DCBLD2: variants seen among roughly 807,000 people sequenced by gnomAD.
DCBLD2 encodes discoidin, CUB and LCCL domain containing 2.
Under a neutral mutation model 86.8 loss-of-function variants are expected in DCBLD2, and 54 were observed. That is an observed-to-expected ratio of 0.62 (90% CI 0.50 to 0.78). The LOEUF is 0.78. DCBLD2 is among the 30% of genes least tolerant of loss of function. DCBLD2 has a pLI of 0.00. For missense variants in DCBLD2, 908 were observed against 954.2 expected, an observed-to-expected ratio of 0.95 and a Z score of 0.64; for synonymous variants, 354 against 341.3, an observed-to-expected ratio of 1.04 and a Z score of -0.41.
intron 3 of DCBLD2, among the ~76,000 whole-genome samples, chr3:98,849,088 GA>G (rs1942782675): frequency 6.6e-6 from 1 of 151,650 alleles, no homozygotes; most frequent in South Asian, 2.1e-4. Flanking sequence ...AGAATTGCTT[GA>G]ACCCGGGAGG....
chr3:98,889,609 T>C (rs968384338), intron 1 of DCBLD2, among the ~76,000 whole-genome samples: 2 of 151,990 alleles, frequency 1.3e-5, no homozygotes, highest in East Asian at 1.9e-4. Context: ...TTTTCTATAG[T>C]TGAAAAAATA....
At chr3:98,863,115 T>C (rs921533555) in intron 2 of DCBLD2, among the ~76,000 whole-genome samples, 3 of 152,086 alleles carry the variant, frequency 2.0e-5, no homozygotes, top group Non-Finnish European at 4.4e-5. Context: ...TGAACTCCCA[T>C]TCACAACTGC....
intron 3 of DCBLD2, among the ~76,000 whole-genome samples, chr3:98,848,541 G>T (rs562122536): frequency 6.6e-6 from 1 of 152,274 alleles, no homozygotes; most frequent in East Asian, 1.9e-4. Flanking sequence ...TTGAGGAATT[G>T]CCACACTGTC....
chr3:98,804,821 C>T (rs560452485), intron 13 of DCBLD2, among the ~76,000 whole-genome samples: 1 of 152,162 alleles, frequency 6.6e-6, no homozygotes, highest in African/African-American at 2.4e-5. Context: ...CATTCAGGAG[C>T]AGGTTGTTCA....
At chr3:98,819,171 A>C in intron 8 of DCBLD2, 31 bp downstream of exon 8, 1 of 1,529,220 alleles carries the variant, frequency 6.5e-7, no homozygotes, top group Non-Finnish European at 8.8e-7. Context: ...TAAGTGTTAC[A>C]AATTGCTTTA....
intron 2 of DCBLD2, among the ~76,000 whole-genome samples, chr3:98,867,027 T>C (rs1454182524): frequency 6.6e-6 from 1 of 152,208 alleles, no homozygotes; most frequent in African/African-American, 2.4e-5. Context: ...AGATGTGTGG[T>C]ATTATTTCTG....
At position 98,901,150 on chromosome 3, in the gene DCBLD2, CAGG is replaced by C. The variant is rs1191696095; in HGVS notation, c.174_176del (p.Leu61del). 1 of 1,538,762 alleles carries C rather than the reference CAGG, an allele frequency of 6.5e-7. No individual in the cohort carries two copies. On this transcript the variant is annotated inframe_deletion, in exon 1 of 16. Transcript: ENST00000326840. ...GCTGGGCTCCAGCGTCCTCGAGCAG[CAGG>C]AGCAGGACAAGTAAGAGCAGGAGGA...
In DCBLD2 at chr3:98,852,498, C is replaced by T. The variant is rs561927496; in HGVS notation, c.434-2900G>A. 3.6e-4 allele frequency among the ~76,000 whole-genome samples: 55 copies of T among 152,310 alleles called. No homozygotes were observed. The South Asian group carries it at 0.01, about 29-fold the overall frequency. ...CTGACCTGTGGTGATCCACCCACCT[C>T]GGCCTCCCAAAGTGATGGGATTACA... On this transcript the variant is annotated intron_variant, in intron 2 of 15. Transcript: ENST00000326840.
At chr3:98,874,767 TTC>T in intron 2 of DCBLD2, among the ~76,000 whole-genome samples, 1 of 152,190 alleles carries the variant, frequency 6.6e-6, no homozygotes. Flanking sequence ...AACCTGCTGT[TTC>T]TCTCTCCTCA....
At chr3:98,845,706 T>A (rs1005189151) in intron 3 of DCBLD2, among the ~76,000 whole-genome samples, 2 of 152,178 alleles carry the variant, frequency 1.3e-5, no homozygotes, top group African/African-American at 4.8e-5. Flanking sequence ...ACATTTTCTG[T>A]AAGGTTCAGA....
At position 98,817,771 on chromosome 3, in the gene DCBLD2, T is replaced by A; in HGVS notation, c.1210A>T (p.Lys404Ter). ...VYREPGVEQD[K>*]IFQGNKDYHQ... ...AAATACCTTGGTAATCATTTTACCT[T>A]ATCTTGCTCCACACCAGGCTCTCTG... is the stretch of plus-strand genomic sequence containing the variant. The change falls in exon 9 of 16, where the codon AAG becomes TAG. Residue 404 changes from lysine (K) to a stop codon, truncating the protein, a stop_gained and splice_region_variant. Coordinates refer to ENST00000326840, the MANE Select transcript of DCBLD2 (RefSeq NM_080927.4). LOFTEE classifies it high-confidence loss of function. The A allele has an allele frequency of 6.2e-7, 1 of 1,613,304 alleles. No homozygotes were observed. Among genetic ancestry groups the A allele is most frequent in the Non-Finnish European group, 8.5e-7 (1 of 1,179,492 alleles).
intron 3 of DCBLD2, among the ~76,000 whole-genome samples, chr3:98,836,806 G>A (rs1302943406): frequency 2.9e-5 from 2 of 68,492 alleles, no homozygotes; most frequent in Admixed American, 1.2e-4. Context: ...GGACGGGGTG[G>A]CTGGCCGGGC....
intron 13 of DCBLD2, among the ~76,000 whole-genome samples, chr3:98,805,792 C>G (rs1168082995): frequency 6.6e-6 from 1 of 152,196 alleles, no homozygotes; most frequent in African/African-American, 2.4e-5. Flanking sequence ...TGACCTCAGG[C>G]TCTGTCTGAC....
chr3:98,825,643 T>TTATATATATATATA (rs56736194), intron 3 of DCBLD2, among the ~76,000 whole-genome samples: 1,405 of 114,672 alleles, frequency 0.012, 44 homozygotes, highest in East Asian at 0.021. Flanking sequence ...ATATGTGTAT[T>TTATATATATATATA]TATATATATA....
At chr3:98,810,069 C>G (rs1009596002) in intron 12 of DCBLD2, among the ~76,000 whole-genome samples, 1 of 152,140 alleles carries the variant, frequency 6.6e-6, no homozygotes, top group African/African-American at 2.4e-5. Flanking sequence ...CTTTGTTATT[C>G]TTTTTGGGCA....
chr3:98,816,304 C>G (rs1686518175), intron 9 of DCBLD2: 1 of 150,778 alleles, frequency 6.6e-6, no homozygotes. Flanking sequence ...GAGAAATTAC[C>G]TTTCAAAAAT....
In DCBLD2 at chr3:98,901,434, G is replaced by A. The variant is rs914585416; in HGVS notation, c.-108C>T. 4 of 1,143,874 alleles carry A rather than the reference G, an allele frequency of 3.5e-6. No individual in the cohort carries two copies. The highest frequency in any genetic ancestry group is 1.6e-5 in the African/African-American group (1 of 61,500). 70.9% of individuals were successfully genotyped at this position (1,143,874 alleles called of 1,614,324 possible). The stretch of plus-strand genomic sequence containing the variant: ...CGGCGGCAGCGGCGGGAGAACAAGA[G>A]GCAGCCCTCGCCTCACCCCGCGCCG... On this transcript the variant is annotated 5_prime_UTR_variant, in exon 1 of 16. Coordinates refer to ENST00000326840, the MANE Select transcript of DCBLD2 (RefSeq NM_080927.4).
chr3:98,868,356 T>C (rs952156700), intron 2 of DCBLD2, among the ~76,000 whole-genome samples: 4 of 152,178 alleles, frequency 2.6e-5, no homozygotes, highest in Non-Finnish European at 4.4e-5. Context: ...GGTTGAAGAA[T>C]AAGAAGATAT....
At chr3:98,891,000 T>G (rs1242427460) in intron 1 of DCBLD2, among the ~76,000 whole-genome samples, 1 of 152,030 alleles carries the variant, frequency 6.6e-6, no homozygotes, top group Non-Finnish European at 1.5e-5. Context: ...TCCAGCAGTG[T>G]GCTACTAGGT....
Sources: gnomAD v4.1 joint callset for allele counts (sites outside exome capture counted in the v4.1 genomes callset) on GRCh38, gnomAD v4.1.1 for gene constraint, MANE v1.5 for transcripts, NCBI Gene and HGNC (gene_info 2026-07-23, HGNC 2026-07-21) for gene names.